The following LRMDA variants were observed in gnomAD, a reference collection of about 807,000 sequenced individuals.
The protein encoded by LRMDA is leucine rich melanocyte differentiation associated, also known as leucine-rich melanocyte differentiation-associated protein.
Under a neutral mutation model 29.8 loss-of-function variants are expected in LRMDA, and 18 were observed. The observed-to-expected ratio is 0.60, with a 90% CI of 0.42 to 0.90. The LOEUF is 0.90. Ranked by LOEUF, LRMDA falls within the 40% of genes least tolerant of loss-of-function variation. The pLI is 0.00. For synonymous variants in LRMDA, 125 were observed against 109.4 expected, an observed-to-expected ratio of 1.14 and a Z score of -0.89; for missense variants, 273 against 273.9, an observed-to-expected ratio of 1.00 and a Z score of 0.02.
intron 5 of LRMDA, among the ~76,000 whole-genome samples, chr10:76,200,983 C>T (rs1007997346): frequency 4.6e-5 from 7 of 151,482 alleles, no homozygotes; most frequent in Non-Finnish European, 7.4e-5. Context: ...TCCCAAAGTG[C>T]TGGGATTACA....
chr10:76,041,828 G>A (rs900306505), intron 3 of LRMDA, among the ~76,000 whole-genome samples: 4 of 152,134 alleles, frequency 2.6e-5, no homozygotes, highest in East Asian at 1.9e-4. Flanking sequence ...TAAGTACCCC[G>A]GAGAAGACTT....
intron 2 of LRMDA, among the ~76,000 whole-genome samples, chr10:76,020,643 G>A (rs933505842): frequency 6.6e-6 from 1 of 152,174 alleles, no homozygotes; most frequent in African/African-American, 2.4e-5. Context: ...TGGGTATGGG[G>A]CCTGGAAAGG....
intron 2 of LRMDA, among the ~76,000 whole-genome samples, chr10:75,885,556 G>A (rs886281233): frequency 6.6e-6 from 1 of 152,204 alleles, no homozygotes; most frequent in South Asian, 2.1e-4. Context: ...TCAGGAATCT[G>A]TGGAAATGGA....
At chr10:76,040,347 G>C (rs1423946304) in intron 3 of LRMDA, among the ~76,000 whole-genome samples, 1 of 152,144 alleles carries the variant, frequency 6.6e-6, no homozygotes, top group African/African-American at 2.4e-5. Flanking sequence ...CCTGCCATCT[G>C]CATACCTCCT....
intron 2 of LRMDA, among the ~76,000 whole-genome samples, chr10:75,812,561 A>G (rs759924941): frequency 6.6e-6 from 1 of 152,206 alleles, no homozygotes. Context: ...ACGTGGTGAC[A>G]TGATATAAAC....
chr10:75,622,003 CG>C (rs1385165858), intron 2 of LRMDA, among the ~76,000 whole-genome samples: 1 of 152,086 alleles, frequency 6.6e-6, no homozygotes, highest in Non-Finnish European at 1.5e-5. Context: ...ACACATAATC[CG>C]GGGGCCTCAG....
chr10:76,545,159 CT>C (rs1053584592), intron 6 of LRMDA, among the ~76,000 whole-genome samples: 19 of 131,584 alleles, frequency 1.4e-4, no homozygotes, highest in Non-Finnish European at 2.1e-4. Flanking sequence ...TGAAAGGTTT[CT>C]TTTTTTTTGT....
intron 2 of LRMDA, among the ~76,000 whole-genome samples, chr10:75,786,736 T>A (rs571548233): frequency 5.3e-5 from 8 of 152,318 alleles, no homozygotes; most frequent in African/African-American, 1.9e-4. Flanking sequence ...TGAACATAGA[T>A]GATGGTTCTC....
chr10:76,007,480 G>A (rs1384318183), intron 2 of LRMDA, among the ~76,000 whole-genome samples: 1 of 152,102 alleles, frequency 6.6e-6, no homozygotes, highest in Non-Finnish European at 1.5e-5. Flanking sequence ...CCTGCGTATT[G>A]CCCTCTCCCC....
intron 5 of LRMDA, among the ~76,000 whole-genome samples, chr10:76,165,209 A>G (rs544708884): frequency 1.2e-4 from 18 of 151,716 alleles, no homozygotes; most frequent in Middle Eastern, 3.6e-3. Flanking sequence ...TTGACCTCAG[A>G]TGATCCATCC....
At chr10:75,973,667 G>A (rs924536292) in intron 2 of LRMDA, among the ~76,000 whole-genome samples, 4 of 152,098 alleles carry the variant, frequency 2.6e-5, no homozygotes, top group Non-Finnish European at 4.4e-5. Context: ...TGATCCACCC[G>A]CCTTGGCCTC....
chr10:76,021,381 A>C (rs1248774199), intron 2 of LRMDA, among the ~76,000 whole-genome samples: 1 of 152,248 alleles, frequency 6.6e-6, no homozygotes, highest in Admixed American at 6.5e-5. Flanking sequence ...AGGTGATAGG[A>C]ATAAAACCTA....
rs552960887 is a variant in LRMDA, at chr10:76,136,115, C to T, written c.516+77332C>T. 5.3e-5 allele frequency among the ~76,000 whole-genome samples: 8 copies of T among 152,250 alleles called. No homozygotes were observed. The South Asian group carries it at 1.7e-3, about 32-fold the overall frequency. ...ATTAATGAATGGATGAGACTTTAAT[C>T]TTGAACTTCCTTGGAAAAGGCATTT... On this transcript the variant is annotated intron_variant, in intron 5 of 6. Coordinates refer to ENST00000611255, the MANE Select transcript of LRMDA (RefSeq NM_001305581.2).
At chr10:75,618,547 G>A (rs1232252483) in intron 2 of LRMDA, among the ~76,000 whole-genome samples, 1 of 147,252 alleles carries the variant, frequency 6.8e-6, no homozygotes, top group Non-Finnish European at 1.5e-5. Flanking sequence ...CTTGAACAAT[G>A]TGGGGGTCAG....
intron 2 of LRMDA, among the ~76,000 whole-genome samples, chr10:75,492,847 T>C (rs752003147): frequency 1.3e-5 from 2 of 152,254 alleles, no homozygotes; most frequent in Admixed American, 6.5e-5. Context: ...GAAAATTGTT[T>C]CTGTCTTAAT....
Position 75,998,721 on chromosome 10 carries a change from T to G in LRMDA, c.132-37287T>G, listed in dbSNP as rs567888824. On this transcript the variant is annotated intron_variant, in intron 2 of 6. Transcript: ENST00000611255. ...ACATTAGAGATTACTCTCTTGACAT[T>G]GTCCTCTACTTTCTTAGGACCCTTG... is the stretch of plus-strand genomic sequence containing the variant. Among the ~76,000 whole-genome samples, 5 of 152,352 alleles carry G rather than the reference T, an allele frequency of 3.3e-5. No homozygotes were observed. The South Asian group carries it at 1.0e-3, about 32-fold the overall frequency.
chr10:76,433,035 G>A (rs946740697), intron 6 of LRMDA, among the ~76,000 whole-genome samples: 1 of 152,182 alleles, frequency 6.6e-6, no homozygotes, highest in Non-Finnish European at 1.5e-5. Flanking sequence ...GGCAGAAGTG[G>A]AGCCACATTG....
intron 2 of LRMDA, among the ~76,000 whole-genome samples, chr10:75,810,785 A>G (rs1011837308): frequency 2.0e-5 from 3 of 152,246 alleles, no homozygotes; most frequent in East Asian, 1.9e-4. Context: ...GAGGTGGACT[A>G]TATGCATCTG....
chr10:75,714,312 A>T (rs368373855), intron 2 of LRMDA, among the ~76,000 whole-genome samples: 1 of 152,212 alleles, frequency 6.6e-6, no homozygotes, highest in East Asian at 1.9e-4. Context: ...GCTCACACCC[A>T]TGTTCCTTGT....
Sources: gnomAD v4.1 joint callset for allele counts (sites outside exome capture counted in the v4.1 genomes callset) on GRCh38, gnomAD v4.1.1 for gene constraint, MANE v1.5 for transcripts, NCBI Gene and HGNC (gene_info 2026-07-23, HGNC 2026-07-21) for gene names.